Variants in SLC5A4 observed in about 807,000 individuals in gnomAD.
SLC5A4 encodes the protein probable glucose sensor protein SLC5A4.
SLC5A4 carries 55 observed loss-of-function variants against 70.3 expected under a neutral mutation model. That is an observed-to-expected ratio of 0.78 (90% CI 0.63 to 0.98). The LOEUF (loss-of-function observed/expected upper bound fraction) is 0.98, where lower values mean the gene tolerates loss of function less well. Ranked by LOEUF, SLC5A4 falls within the 50% of genes least tolerant of loss-of-function variation. The pLI, the probability that SLC5A4 is intolerant of heterozygous loss-of-function variation, is 0.00. For synonymous variants in SLC5A4, 268 were observed against 305.7 expected (o/e 0.88, Z 1.29); for missense variants, 735 against 839.2 (o/e 0.88, Z 1.53).
chr22:32,315,306 AAGT>A, the SLC5A4 span, among the ~76,000 whole-genome samples: 2 of 152,128 alleles, frequency 1.3e-5, no homozygotes, highest in Non-Finnish European at 1.5e-5. Flanking sequence ...AAATAATAAA[AAGT>A]AGGAGGGGTG....
chr22:32,271,750 C>T, the SLC5A4 span: 4 of 587,184 alleles, frequency 6.8e-6, no homozygotes, highest in African/African-American at 3.7e-5. Context: ...TCAACTGTCC[C>T]CGCGGCTTCC....
At chr22:32,295,753 A>T in the SLC5A4 span, among the ~76,000 whole-genome samples, 119 of 86,306 alleles carry the variant, frequency 1.4e-3, 29 homozygotes, top group African/African-American at 5.1e-3. Context: ...CTGAATGGTA[A>T]TGCCTAGGTT....
At chr22:32,333,292 G>T in the SLC5A4 span, among the ~76,000 whole-genome samples, 1 of 152,080 alleles carries the variant, frequency 6.6e-6, no homozygotes, top group Non-Finnish European at 1.5e-5. Context: ...TGGGCAGCAG[G>T]CAGAGGGGTC....
At chr22:32,238,361 C>T in intron 6 of SLC5A4, among the ~76,000 whole-genome samples, 1 of 152,178 alleles carries the variant, frequency 6.6e-6, no homozygotes, top group East Asian at 1.9e-4. Flanking sequence ...TTTAGGTTGA[C>T]AGCTCAAATG....
chr22:32,279,364 G>T, the SLC5A4 span, among the ~76,000 whole-genome samples: 1 of 152,248 alleles, frequency 6.6e-6, no homozygotes, highest in African/African-American at 2.4e-5. Context: ...CTTAGCAGTA[G>T]GTAGGTTGAC....
At chr22:32,330,965 G>C in the SLC5A4 span, among the ~76,000 whole-genome samples, 2 of 50,742 alleles carry the variant, frequency 3.9e-5, no homozygotes, top group Admixed American at 2.3e-4. Context: ...TGTGTGTGTT[G>C]GGGGCACTGG....
the SLC5A4 span, among the ~76,000 whole-genome samples, chr22:32,314,022 GT>G: frequency 1.3e-5 from 2 of 152,118 alleles, no homozygotes; most frequent in Non-Finnish European, 2.9e-5. Context: ...CAAACTACAT[GT>G]TTTTTGGGCA....
At chr22:32,260,538 A>C in the SLC5A4 span, among the ~76,000 whole-genome samples, 568 of 151,992 alleles carry the variant, frequency 3.7e-3, 2 homozygotes, top group African/African-American at 0.013. Context: ...AAAAACAAAA[A>C]CAAAAACCCA....
chr22:32,285,700 TTTC>T, the SLC5A4 span, among the ~76,000 whole-genome samples: 3 of 131,044 alleles, frequency 2.3e-5, no homozygotes, highest in Non-Finnish European at 4.9e-5. Context: ...TAAATCTTAT[TTTC>T]TTTTTTTATT....
the SLC5A4 span, among the ~76,000 whole-genome samples, chr22:32,293,790 G>A: frequency 6.6e-6 from 1 of 151,328 alleles, no homozygotes; most frequent in Non-Finnish European, 1.5e-5. Context: ...TTAAAGTTGG[G>A]GCCCATTAGT....
At chr22:32,257,030 A>C (rs971809960), upstream of SLC5A4, among the ~76,000 whole-genome samples, 17 of 152,226 alleles carry the variant, frequency 1.1e-4, no homozygotes, top group African/African-American at 3.6e-4. Flanking sequence ...TTCTTTCCAC[A>C]GTGCATAGGA....
chr22:32,238,072 C>A (rs751446676), intron 6 of SLC5A4, among the ~76,000 whole-genome samples: 12 of 152,128 alleles, frequency 7.9e-5, no homozygotes, highest in Non-Finnish European at 1.2e-4. Context: ...ATGCCGGTAA[C>A]AGGAACTGTT....
chr22:32,257,625 T>G (rs952882246), upstream of SLC5A4, among the ~76,000 whole-genome samples: 1 of 151,800 alleles, frequency 6.6e-6, no homozygotes, highest in Non-Finnish European at 1.5e-5. Context: ...GTGCTGGGAT[T>G]ACAGGCATGA....
chr22:32,226,520 A>G (rs1335037698), intron 11 of SLC5A4, among the ~76,000 whole-genome samples: 1 of 152,212 alleles, frequency 6.6e-6, no homozygotes, highest in Non-Finnish European at 1.5e-5. Context: ...TGGAGGAAGG[A>G]ACAAGCATTT....
At chr22:32,343,107 T>G in the SLC5A4 span, 1 of 152,258 alleles carries the variant, frequency 6.6e-6, no homozygotes, top group Admixed American at 6.5e-5. Context: ...ATTCTGAAGG[T>G]GACAAAGGTC....
chr22:32,235,881 T>C (rs1384885365), intron 7 of SLC5A4, among the ~76,000 whole-genome samples: 1 of 152,182 alleles, frequency 6.6e-6, no homozygotes, highest in African/African-American at 2.4e-5. Context: ...ACTGCTAGGA[T>C]CATGTGCAAA....
chr22:32,345,492 G>C, the SLC5A4 span, among the ~76,000 whole-genome samples: 6 of 152,060 alleles, frequency 3.9e-5, no homozygotes, highest in Non-Finnish European at 8.8e-5. Context: ...ACAATAATTT[G>C]AGTCTTTTCT....
At chr22:32,304,107 T>C in the SLC5A4 span, among the ~76,000 whole-genome samples, 1 of 152,208 alleles carries the variant, frequency 6.6e-6, no homozygotes, top group East Asian at 1.9e-4. Context: ...GGTCTTTGGC[T>C]CATTTTTTAA....
At chr22:32,300,527 G>T in the SLC5A4 span, among the ~76,000 whole-genome samples, 2 of 150,744 alleles carry the variant, frequency 1.3e-5, no homozygotes, top group African/African-American at 2.4e-5. Context: ...CTCGCACACG[G>T]TGCGCGCACC....
Sources: gnomAD v4.1 joint callset for allele counts (sites outside exome capture counted in the v4.1 genomes callset) on GRCh38, gnomAD v4.1.1 for gene constraint, MANE v1.5 for transcripts, NCBI Gene and HGNC (gene_info 2026-07-23, HGNC 2026-07-21) for gene names.